The following ZNF536 variants were observed in gnomAD, a reference collection of about 807,000 sequenced individuals.
ZNF536 encodes the protein zinc finger protein 536.
In ZNF536, 13 loss-of-function variants were observed where a neutral mutation model predicts 84.5. That is an observed-to-expected ratio of 0.15 (90% CI 0.10 to 0.24). The LOEUF (loss-of-function observed/expected upper bound fraction) is 0.24. Ranked by LOEUF, ZNF536 falls within the 10% of genes least tolerant of loss-of-function variation. ZNF536 has a pLI of 1.00. For missense variants in ZNF536, 1,536 were observed against 1,747.5 expected (o/e 0.88, Z 2.16); for synonymous variants, 811 against 742.5 (o/e 1.09, Z -1.50).
At chr19:30,568,903 C>G (rs2046442811) in intron 1 of ZNF536, among the ~76,000 whole-genome samples, 1 of 152,192 alleles carries the variant, frequency 6.6e-6, no homozygotes, top group Admixed American at 6.5e-5. Flanking sequence ...CCTCTCAGGG[C>G]CCCTGCTTTT....
At chr19:30,536,808 G>T (rs2045101398) in intron 3 of ZNF536, among the ~76,000 whole-genome samples, 1 of 152,172 alleles carries the variant, frequency 6.6e-6, no homozygotes, top group Admixed American at 6.5e-5. Flanking sequence ...TCTTCCCCGG[G>T]AGTTCAGGGA....
chr19:30,480,357 C>T (rs951123174), intron 2 of ZNF536, among the ~76,000 whole-genome samples: 3 of 152,202 alleles, frequency 2.0e-5, no homozygotes, highest in Non-Finnish European at 4.4e-5. Flanking sequence ...CTGCACCAAA[C>T]TATAGTTCCT....
At position 30,439,946 on chromosome 19, in the gene ZNF536, T is replaced by C. The variant is rs1337661938; in HGVS notation, c.-2-3615T>C. Among the ~76,000 whole-genome samples, 4 of 142,694 alleles carry C rather than the reference T, an allele frequency of 2.8e-5. No individual in the cohort carries two copies. The East Asian group carries it at 6.8e-4, about 24-fold the overall frequency. 93.6% of individuals were successfully genotyped at this position (142,694 alleles called of 152,430 possible). ...TCCTTTTGTTTCTTTCTTTCTTTTC[T>C]TTTTCTTTCTTTCTTTTTTTTTTTT... On this transcript the variant is annotated intron_variant, in intron 1 of 4. Transcript: ENST00000355537.
intron 1 of ZNF536, among the ~76,000 whole-genome samples, chr19:30,646,111 T>C (rs2049457805): frequency 6.6e-6 from 1 of 152,158 alleles, no homozygotes; most frequent in Admixed American, 6.5e-5. Flanking sequence ...AGAGAAGGTA[T>C]TCAGCTCTGG....
intron 1 of ZNF536, among the ~76,000 whole-genome samples, chr19:30,264,962 T>A (rs199695629): frequency 8.5e-4 from 71 of 83,560 alleles, no homozygotes; most frequent in Middle Eastern, 7.0e-3. Flanking sequence ...TGTGTGTGTG[T>A]GTGTGAGAGA....
chr19:30,518,872 G>A (rs1274878526), intron 2 of ZNF536, among the ~76,000 whole-genome samples: 3 of 152,256 alleles, frequency 2.0e-5, no homozygotes, highest in Non-Finnish European at 2.9e-5. Flanking sequence ...GGATGGGGGT[G>A]CAGGGATGGG....
chr19:30,525,965 C>A (rs2044556486), intron 2 of ZNF536, among the ~76,000 whole-genome samples: 1 of 152,190 alleles, frequency 6.6e-6, no homozygotes, highest in East Asian at 1.9e-4. Flanking sequence ...CCCTGCCCTG[C>A]CCCCAACCAG....
intron 1 of ZNF536, among the ~76,000 whole-genome samples, chr19:30,644,727 T>C (rs1480612126): frequency 6.6e-6 from 1 of 152,264 alleles, no homozygotes; most frequent in Non-Finnish European, 1.5e-5. Flanking sequence ...CAGTATTCTA[T>C]GGTGTATATG....
chr19:30,282,638 T>C (rs2045490636), intron 1 of ZNF536, among the ~76,000 whole-genome samples: 1 of 152,164 alleles, frequency 6.6e-6, no homozygotes, highest in Admixed American at 6.5e-5. Context: ...AAGGAGGTCG[T>C]AGAGCAAAGC....
chr19:30,480,839 C>T (rs2054051399), intron 2 of ZNF536, among the ~76,000 whole-genome samples: 1 of 152,132 alleles, frequency 6.6e-6, no homozygotes, highest in Non-Finnish European at 1.5e-5. Context: ...AGTTCAAGAC[C>T]AGCCTGGCCA....
At chr19:30,226,555 T>G (rs1474569124), upstream of ZNF536, among the ~76,000 whole-genome samples, 1 of 151,672 alleles carries the variant, frequency 6.6e-6, no homozygotes, top group African/African-American at 2.4e-5. The surrounding 1 kb of genome is among the most constrained non-coding windows in gnomAD (Gnocchi z 4.6). Context: ...AGGGCTGAGG[T>G]GCCAGGGTCC....
At chr19:30,262,558 C>T (rs2025283253) in intron 1 of ZNF536, among the ~76,000 whole-genome samples, 1 of 152,198 alleles carries the variant, frequency 6.6e-6, no homozygotes. Context: ...TCTGCGTGTG[C>T]TGCCCCAGGA....
intron 2 of ZNF536, among the ~76,000 whole-genome samples, chr19:30,463,334 C>T (rs1294573903): frequency 6.6e-6 from 1 of 152,158 alleles, no homozygotes. Flanking sequence ...GCTGGCTCAG[C>T]CTCAGGTGGA....
upstream of ZNF536, among the ~76,000 whole-genome samples, chr19:30,368,850 T>C (rs1236984021): frequency 6.6e-6 from 1 of 152,140 alleles, no homozygotes; most frequent in Admixed American, 6.5e-5. Context: ...TGGTGAAGGA[T>C]TATCACATGG....
chr19:30,407,786 C>G (rs935875698), intron 1 of ZNF536, among the ~76,000 whole-genome samples: 1 of 152,160 alleles, frequency 6.6e-6, no homozygotes, highest in Non-Finnish European at 1.5e-5. Flanking sequence ...TCTTCTGCAC[C>G]CTTCTTGATG....
intron 1 of ZNF536, among the ~76,000 whole-genome samples, chr19:30,282,822 G>C (rs1600062418): frequency 6.6e-6 from 1 of 152,188 alleles, no homozygotes; most frequent in South Asian, 2.1e-4. Flanking sequence ...GGAAGAGAGA[G>C]AGACAGACAG....
At chr19:30,324,362 C>G (rs2046955293) in intron 2 of ZNF536, among the ~76,000 whole-genome samples, 1 of 152,192 alleles carries the variant, frequency 6.6e-6, no homozygotes. Context: ...AAGTTCCACA[C>G]TCCAGAGTGT....
chr19:30,266,236 G>C (rs1473792877), intron 1 of ZNF536, among the ~76,000 whole-genome samples: 2 of 152,098 alleles, frequency 1.3e-5, no homozygotes, highest in Non-Finnish European at 2.9e-5. Flanking sequence ...TTTTTGTAGA[G>C]AGGGGGTCTC....
intron 1 of ZNF536, among the ~76,000 whole-genome samples, chr19:30,678,230 C>A (rs371630814): frequency 7.2e-5 from 11 of 152,286 alleles, no homozygotes; most frequent in African/African-American, 2.6e-4. Context: ...AAGGCTGGGC[C>A]GGGTTATGGC....
Sources: gnomAD v4.1 joint callset for allele counts (sites outside exome capture counted in the v4.1 genomes callset) on GRCh38, gnomAD v4.1.1 for gene constraint, Gnocchi (gnomAD v3.1) non-coding constraint, MANE v1.5 for transcripts, NCBI Gene and HGNC (gene_info 2026-07-23, HGNC 2026-07-21) for gene names.